The following BLTP1 variants were observed in gnomAD, a reference collection of about 807,000 sequenced individuals.
The protein encoded by BLTP1 is fragile site-associated protein.
chr4:122,273,653 C>G, the BLTP1 span, among the ~76,000 whole-genome samples: 4 of 151,952 alleles, frequency 2.6e-5, no homozygotes, highest in Non-Finnish European at 5.9e-5. Flanking sequence ...TATCAGTAGT[C>G]TTTAGAGCAC....
chr4:122,342,370 T>TTA, the BLTP1 span, among the ~76,000 whole-genome samples: 2 of 150,642 alleles, frequency 1.3e-5, no homozygotes, highest in Non-Finnish European at 2.9e-5. Flanking sequence ...TTATTTTTTT[T>TTA]TTTGAGACTA....
chr4:122,222,809 G>T, the BLTP1 span: 74 of 169,506 alleles, frequency 4.4e-4, no homozygotes, highest in Middle Eastern at 0.018. Context: ...TTTCAAAAAA[G>T]ATCATATTCA....
the BLTP1 span, chr4:122,288,540 T>C: frequency 6.6e-6 from 1 of 151,912 alleles, no homozygotes; most frequent in African/African-American, 2.4e-5. Context: ...TAGTCCCAGC[T>C]ACTCAGGAGC....
At chr4:122,234,959 T>C in the BLTP1 span, 7 of 1,613,732 alleles carry the variant, frequency 4.3e-6, no homozygotes, top group Non-Finnish European at 5.9e-6. Flanking sequence ...ATATGTATTA[T>C]GGACAGTCTC....
At chr4:122,312,682 A>G in the BLTP1 span, 1 of 218,230 alleles carries the variant, frequency 4.6e-6, no homozygotes, top group East Asian at 1.8e-4. Flanking sequence ...AAACATAATA[A>G]CAAGTAGATC....
chr4:122,218,634 T>A, the BLTP1 span, among the ~76,000 whole-genome samples: 1 of 152,210 alleles, frequency 6.6e-6, no homozygotes. Flanking sequence ...CAGGAATATT[T>A]AACAACTTTT....
the BLTP1 span, among the ~76,000 whole-genome samples, chr4:122,177,129 A>G: frequency 1.3e-5 from 2 of 152,208 alleles, no homozygotes; most frequent in Non-Finnish European, 1.5e-5. Flanking sequence ...CACTTGAAAT[A>G]TTCAACCAAA....
the BLTP1 span, chr4:122,264,548 A>G: frequency 3.1e-5 from 25 of 815,362 alleles, no homozygotes; most frequent in Admixed American, 3.9e-5. Flanking sequence ...CTATCTGCCT[A>G]CAGCCTTCAT....
the BLTP1 span, among the ~76,000 whole-genome samples, chr4:122,217,398 ACG>A: frequency 1.3e-5 from 2 of 151,506 alleles, no homozygotes; most frequent in Non-Finnish European, 2.9e-5. Context: ...GTGAAGAATT[ACG>A]GTAGTATTTT....
At chr4:122,331,252 A>T in the BLTP1 span, 1 of 1,493,830 alleles carries the variant, frequency 6.7e-7, no homozygotes, top group Non-Finnish European at 8.9e-7. Flanking sequence ...TGCTCACATA[A>T]CATGTTGGAA....
At chr4:122,285,236 T>C in the BLTP1 span, among the ~76,000 whole-genome samples, 2 of 152,110 alleles carry the variant, frequency 1.3e-5, no homozygotes, top group Non-Finnish European at 2.9e-5. Flanking sequence ...AAAATTCTTA[T>C]TGAAATTGAA....
At chr4:122,247,432 T>G in the BLTP1 span, 4 of 1,537,956 alleles carry the variant, frequency 2.6e-6, no homozygotes, top group Non-Finnish European at 3.6e-6. Context: ...GGAACATGTT[T>G]TTTTCCTTTG....
the BLTP1 span, chr4:122,196,733 A>C: frequency 1.2e-6 from 2 of 1,610,520 alleles, no homozygotes; most frequent in Non-Finnish European, 1.7e-6. Context: ...CTTGCTTTTG[A>C]ATTACGAATG....
chr4:122,207,411 C>G, the BLTP1 span: 1 of 1,435,592 alleles, frequency 7.0e-7, no homozygotes, highest in Non-Finnish European at 9.2e-7. Flanking sequence ...AAGACTGTTT[C>G]AGAGTTTGTA....
At chr4:122,173,598 A>T in the BLTP1 span, among the ~76,000 whole-genome samples, 22 of 152,136 alleles carry the variant, frequency 1.4e-4, no homozygotes, top group Admixed American at 1.4e-3. Flanking sequence ...ACCATAGCAG[A>T]TGTATATTAT....
the BLTP1 span, chr4:122,223,861 T>C: frequency 3.5e-5 from 13 of 374,838 alleles, no homozygotes; most frequent in South Asian, 1.1e-4. Flanking sequence ...CCCAAACTTA[T>C]TTGATTCTTT....
the BLTP1 span, among the ~76,000 whole-genome samples, chr4:122,265,850 A>G: frequency 6.6e-6 from 1 of 152,156 alleles, no homozygotes; most frequent in East Asian, 1.9e-4. Context: ...GGCACCCGCC[A>G]CTATGCCCAG....
chr4:122,284,193 A>G, the BLTP1 span, among the ~76,000 whole-genome samples: 1 of 152,196 alleles, frequency 6.6e-6, no homozygotes, highest in South Asian at 2.1e-4. Context: ...ACATTAAACT[A>G]TTATTACCAA....
the BLTP1 span, chr4:122,339,182 AC>A: frequency 1.9e-6 from 3 of 1,603,868 alleles, no homozygotes; most frequent in Non-Finnish European, 2.6e-6. Context: ...GTTCCTAGAA[AC>A]CTTTTGCTGT....
Sources: allele counts gnomAD v4.1 joint callset (sites outside exome capture counted in the v4.1 genomes callset), GRCh38; gene constraint gnomAD v4.1.1; transcripts MANE v1.5; gene names NCBI Gene and HGNC (gene_info 2026-07-23, HGNC 2026-07-21).